The following NSD2 variants were observed in gnomAD, a reference collection of about 807,000 sequenced individuals.
NSD2 encodes the protein histone-lysine N-methyltransferase NSD2.
NSD2 carries 12 observed loss-of-function variants against 139.0 expected under a neutral mutation model. That is an observed-to-expected ratio of 0.09 (90% CI 0.06 to 0.14). The LOEUF is 0.14. Ranked by LOEUF, NSD2 falls within the 10% of genes least tolerant of loss-of-function variation. The pLI, the probability that NSD2 is intolerant of heterozygous loss-of-function variation, is 1.00. For missense variants in NSD2, 1,155 were observed against 1,745.0 expected (o/e 0.66, Z 6.02); for synonymous variants, 669 against 648.7 (o/e 1.03, Z -0.48).
chr4:1,873,225 T>C (rs1164277894), intron 1 of NSD2, among the ~76,000 whole-genome samples: 1 of 152,214 alleles, frequency 6.6e-6, no homozygotes, highest in Non-Finnish European at 1.5e-5. Flanking sequence ...TGTGAAGAGC[T>C]CTGATCTCAG....
At chr4:1,884,850 A>G (rs1163850792) in intron 1 of NSD2, among the ~76,000 whole-genome samples, 1 of 151,828 alleles carries the variant, frequency 6.6e-6, no homozygotes, top group East Asian at 1.9e-4. Context: ...GGCTCACGCC[A>G]GTAATCCCAG....
rs78871981 is a variant in NSD2, at chr4:1,948,315, G to A, written c.1882-2757G>A. The A allele has an allele frequency of 3.8e-3, 3,997 of 1,065,382 alleles. 117 individuals are homozygous for A. The African/African-American group carries it at 0.06, about 16-fold the overall frequency. 66.0% of individuals were successfully genotyped at this position (1,065,382 alleles called of 1,614,324 possible). On this transcript the variant is annotated intron_variant, in intron 9 of 21. Coordinates refer to ENST00000508803, the MANE Select transcript of NSD2 (RefSeq NM_001042424.3). This position sits in a 1 kb window ranked among gnomAD's most constrained non-coding sequence, Gnocchi z 4.5. ...CATCTCGTTGGATATGGAATAGATCGTAGATGTTGTAGACTGAGATTTGGG... is the reference window on the plus strand; with the variant it reads ...CATCTCGTTGGATATGGAATAGATCATAGATGTTGTAGACTGAGATTTGGG...
intron 1 of NSD2, among the ~76,000 whole-genome samples, chr4:1,871,779 G>C (rs1193897263): frequency 6.7e-6 from 1 of 149,856 alleles, no homozygotes; most frequent in Admixed American, 6.6e-5. Context: ...GCGGAGGCCT[G>C]AGGGCCGGCG....
chr4:1,903,611 A>G (rs1717481788), intron 2 of NSD2, among the ~76,000 whole-genome samples: 1 of 152,174 alleles, frequency 6.6e-6, no homozygotes, highest in African/African-American at 2.4e-5. Flanking sequence ...ATAAAGTACC[A>G]TTAAAGACCG....
intron 9 of NSD2, chr4:1,947,350 A>C: frequency 9.4e-7 from 1 of 1,061,444 alleles, no homozygotes; most frequent in Non-Finnish European, 1.1e-6. Flanking sequence ...GCTTGGGGCT[A>C]TGTGGCTACG....
intron 1 of NSD2, among the ~76,000 whole-genome samples, chr4:1,878,226 G>GATATATATATATATATATATAT (rs1164167293): frequency 3.8e-5 from 1 of 26,076 alleles, no homozygotes; most frequent in African/African-American, 1.6e-4. Context: ...ATGCCCGGCT[G>GATATATATATATATATATATAT]ATATATATAT....
At chr4:1,873,251 C>T (rs1475259549) in intron 1 of NSD2, among the ~76,000 whole-genome samples, 1 of 152,196 alleles carries the variant, frequency 6.6e-6, no homozygotes, top group African/African-American at 2.4e-5. Context: ...AAATTGTCCT[C>T]TCCTGACTGC....
At chr4:1,916,829 G>C (rs1369464946) in intron 3 of NSD2, 42 bp from the exon 4 acceptor site, 1 of 1,575,052 alleles carries the variant, frequency 6.3e-7, no homozygotes, top group Admixed American at 1.9e-5. Flanking sequence ...TTTCATCCCA[G>C]ATTCTAACTT....
intron 7 of NSD2, among the ~76,000 whole-genome samples, chr4:1,935,505 A>G (rs1398262804): frequency 6.6e-6 from 1 of 152,214 alleles, no homozygotes; most frequent in African/African-American, 2.4e-5. Flanking sequence ...CTGCAAGAAA[A>G]CAGACATCCA....
chr4:1,934,348 G>A (rs1047192424), intron 6 of NSD2, among the ~76,000 whole-genome samples: 1 of 150,938 alleles, frequency 6.6e-6, no homozygotes. Context: ...GCCTCCCAAA[G>A]TATTGGGATT....
At chr4:1,878,484 T>TC (rs1163748115) in intron 1 of NSD2, among the ~76,000 whole-genome samples, 1 of 151,868 alleles carries the variant, frequency 6.6e-6, no homozygotes, top group Non-Finnish European at 1.5e-5. Flanking sequence ...AGCACATACC[T>TC]CCAACATTCC....
In NSD2 at chr4:1,955,267, C is replaced by T; in HGVS notation, c.2445C>T (p.Ala815=). The change falls in exon 13 of 22, where the codon GCC becomes GCT. Residue 815 remains alanine (A), a synonymous_variant. Coordinates refer to ENST00000508803, the MANE Select transcript of NSD2 (RefSeq NM_001042424.3). This position sits in a 1 kb window ranked among gnomAD's most constrained non-coding sequence, Gnocchi z 4.7. ...VIASNSIICT[A]HFTARKGKRH... is the part of the protein sequence containing the mutation. ...CCTCCAACAGCATCATCTGCACTGC[C>T]CACTTCACTGCTCGGAAGGGGAAGC... 6 of 1,614,166 alleles carry T rather than the reference C, an allele frequency of 3.7e-6. No homozygotes were observed. Among genetic ancestry groups the T allele is most frequent in the Non-Finnish European group, 5.1e-6 (6 of 1,180,030 alleles).
chr4:1,875,509 G>C (rs540346040), intron 1 of NSD2, among the ~76,000 whole-genome samples: 101 of 152,090 alleles, frequency 6.6e-4, no homozygotes, highest in African/African-American at 2.3e-3. Context: ...TGAACTCCTG[G>C]GCTCAGGTGA....
intron 5 of NSD2, among the ~76,000 whole-genome samples, chr4:1,925,389 C>CTTTTTTT (rs34335852): frequency 1.1e-3 from 43 of 37,984 alleles, no homozygotes; most frequent in South Asian, 2.0e-3. Flanking sequence ...CTTTTTCTTT[C>CTTTTTTT]TTTTTTTTTT....
Position 1,978,741 on chromosome 4 carries a change from G to A in NSD2, c.3930G>A (p.Gly1310=), listed in dbSNP as rs1276924162. The change falls in exon 22 of 22, where the codon GGG becomes GGA. Residue 1310 remains glycine, a synonymous_variant. Coordinates refer to ENST00000508803, the MANE Select transcript of NSD2 (RefSeq NM_001042424.3). ...CGTTCTGTAAGGAGCACCAGGACGGGACAGCCTTCAGCTGCACCCCGGACG... is the reference window on the plus strand; with the variant it reads ...CGTTCTGTAAGGAGCACCAGGACGGAACAGCCTTCAGCTGCACCCCGGACG... ...PNSFCKEHQD[G]TAFSCTPDGR... is the part of the protein sequence containing the mutation. The A allele has an allele frequency of 6.2e-7, 1 of 1,614,178 alleles. No homozygotes were observed. The highest frequency in any genetic ancestry group is 1.1e-5 in the South Asian group (1 of 91,074).
Position 1,948,636 on chromosome 4 carries a change from C to T in NSD2, c.1882-2436C>T, listed in dbSNP as rs985296558. 9.4e-7 allele frequency: 1 copy of T among 1,061,502 alleles called. No individual in the cohort carries two copies. Among genetic ancestry groups the T allele is most frequent in the African/African-American group, 1.6e-5 (1 of 60,694 alleles). 65.8% of individuals were successfully genotyped at this position (1,061,502 alleles called of 1,614,324 possible). ...TAAGGTCTATATTCTGTATGTGGGT[C>T]CCAGACCCTGATCAGGAAATGAGCC... On this transcript the variant is annotated intron_variant, in intron 9 of 21. Transcript: ENST00000508803. This position sits in a 1 kb window ranked among gnomAD's most constrained non-coding sequence, Gnocchi z 4.5.
rs955375823 is a variant in NSD2, at chr4:1,966,472, C to T, written c.3372+5321C>T. ...GAGATCGAGATCATCCTGGTTAACA[C>T]GGTGAAACCCCATCTCTACTAAAAA... On this transcript the variant is annotated intron_variant, in intron 18 of 21. Transcript: ENST00000508803. 6.6e-5 allele frequency among the ~76,000 whole-genome samples: 10 copies of T among 151,944 alleles called. No individual in the cohort carries two copies. The South Asian group carries it at 1.2e-3, about 19-fold the overall frequency.
intron 7 of NSD2, among the ~76,000 whole-genome samples, chr4:1,935,762 G>A (rs2108879405): frequency 1.3e-5 from 2 of 152,186 alleles, no homozygotes; most frequent in South Asian, 4.1e-4. Context: ...TCAAGAGGCT[G>A]AGGCAGGAGA....
chr4:1,906,160 TA>T (rs772131547), intron 3 of NSD2, among the ~76,000 whole-genome samples: 24 of 152,358 alleles, frequency 1.6e-4, no homozygotes, highest in Non-Finnish European at 2.8e-4. Flanking sequence ...ATGCCATGTT[TA>T]GCTGTTAGCC....
Sources: gnomAD v4.1 joint callset for allele counts (sites outside exome capture counted in the v4.1 genomes callset) on GRCh38, gnomAD v4.1.1 for gene constraint, Gnocchi (gnomAD v3.1) non-coding constraint, MANE v1.5 for transcripts, NCBI Gene and HGNC (gene_info 2026-07-23, HGNC 2026-07-21) for gene names.